The following PPP6R3 variants were observed in gnomAD, a reference collection of about 807,000 sequenced individuals.
PPP6R3 encodes the protein protein phosphatase 6 regulatory subunit 3, also known as serine/threonine-protein phosphatase 6 regulatory subunit 3.
PPP6R3 carries 38 observed loss-of-function variants against 110.7 expected under a neutral mutation model. That is an observed-to-expected ratio of 0.34 (90% CI 0.26 to 0.45). PPP6R3 has a LOEUF of 0.45. Among genes scored for constraint, PPP6R3 ranks in the 20% least tolerant of loss-of-function variants. The pLI, the probability that PPP6R3 is intolerant of heterozygous loss-of-function variation, is 1.00. For missense variants in PPP6R3, 870 were observed against 1,062.4 expected, an observed-to-expected ratio of 0.82 and a Z score of 2.52; for synonymous variants, 369 against 373.5, an observed-to-expected ratio of 0.99 and a Z score of 0.14.
At chr11:68,499,944 T>C in intron 1 of PPP6R3, among the ~76,000 whole-genome samples, 1 of 152,224 alleles carries the variant, frequency 6.6e-6, no homozygotes, top group Non-Finnish European at 1.5e-5. Context: ...CAGATGTATA[T>C]ATCGTGAATA....
At chr11:68,461,800 G>T (rs984544797) in intron 1 of PPP6R3, among the ~76,000 whole-genome samples, 1 of 152,092 alleles carries the variant, frequency 6.6e-6, no homozygotes, top group South Asian at 2.1e-4. Context: ...ACTTGTTGAC[G>T]GGGTGGTGTC....
intron 1 of PPP6R3, among the ~76,000 whole-genome samples, chr11:68,472,538 G>A (rs564895489): frequency 1.3e-5 from 2 of 151,190 alleles, no homozygotes; most frequent in African/African-American, 2.4e-5. Context: ...TACCAGCACC[G>A]TCCTACATCC....
intron 1 of PPP6R3, among the ~76,000 whole-genome samples, chr11:68,497,941 A>C (rs183615871): frequency 1.3e-5 from 2 of 152,218 alleles, no homozygotes; most frequent in Admixed American, 1.3e-4. Context: ...AGATGAGATC[A>C]TTGTTGTTTA....
At chr11:68,545,276 G>T (rs1347607169) in intron 4 of PPP6R3, among the ~76,000 whole-genome samples, 1 of 152,244 alleles carries the variant, frequency 6.6e-6, no homozygotes, top group Non-Finnish European at 1.5e-5. Flanking sequence ...GAAGTGGGTA[G>T]AAGATGAGAA....
intron 18 of PPP6R3, among the ~76,000 whole-genome samples, chr11:68,593,529 A>G (rs1406806973): frequency 6.6e-6 from 1 of 152,232 alleles, no homozygotes; most frequent in Non-Finnish European, 1.5e-5. Context: ...TAAACCCTAA[A>G]ATAGTCACTA....
intron 12 of PPP6R3, among the ~76,000 whole-genome samples, chr11:68,572,802 A>G (rs188214637): frequency 1.8e-4 from 28 of 152,062 alleles, no homozygotes; most frequent in Admixed American, 5.9e-4. Flanking sequence ...TGATTGCACC[A>G]CTGCACTCCA....
At chr11:68,551,231 CAAA>C (rs745757205) in intron 6 of PPP6R3, 45 bp downstream of exon 6, 15 of 1,375,230 alleles carry the variant, frequency 1.1e-5, no homozygotes, top group African/African-American at 1.5e-5. Flanking sequence ...AAAAAAAAAA[CAAA>C]AAACTGTTTA....
intron 18 of PPP6R3, among the ~76,000 whole-genome samples, chr11:68,594,511 AAATTT>A (rs1436748844): frequency 6.6e-6 from 1 of 152,164 alleles, no homozygotes; most frequent in Non-Finnish European, 1.5e-5. Context: ...AAAAAAGAAA[AAATTT>A]AAATATGTAG....
At chr11:68,493,404 G>T (rs2098995524) in intron 1 of PPP6R3, among the ~76,000 whole-genome samples, 1 of 151,686 alleles carries the variant, frequency 6.6e-6, no homozygotes, top group Non-Finnish European at 1.5e-5. Context: ...ATTGTCATGA[G>T]ATTATGTAAT....
At chr11:68,563,430 T>G (rs1186757722) in intron 8 of PPP6R3, among the ~76,000 whole-genome samples, 1 of 152,220 alleles carries the variant, frequency 6.6e-6, no homozygotes, top group Non-Finnish European at 1.5e-5. Context: ...ATGATGGCAT[T>G]TAAGGCCCCC....
At chr11:68,488,327 C>T (rs993212182) in intron 1 of PPP6R3, among the ~76,000 whole-genome samples, 42 of 151,998 alleles carry the variant, frequency 2.8e-4, no homozygotes, top group Admixed American at 1.9e-3. Flanking sequence ...GCCACCACAC[C>T]CAGCTAATTA....
At chr11:68,466,114 TGC>T (rs2098743426) in intron 1 of PPP6R3, among the ~76,000 whole-genome samples, 1 of 152,218 alleles carries the variant, frequency 6.6e-6, no homozygotes. Context: ...TTGAAATAGA[TGC>T]TACTTCAAGT....
intron 17 of PPP6R3, among the ~76,000 whole-genome samples, chr11:68,590,971 G>A (rs2099593486): frequency 6.6e-6 from 1 of 152,182 alleles, no homozygotes; most frequent in Non-Finnish European, 1.5e-5. Flanking sequence ...ACTTCAAAGA[G>A]AAGGCTGCAG....
chr11:68,479,829 C>T (rs980458931), intron 1 of PPP6R3, among the ~76,000 whole-genome samples: 3 of 151,942 alleles, frequency 2.0e-5, no homozygotes, highest in African/African-American at 7.3e-5. Flanking sequence ...GCCTCGGACA[C>T]CTGGACTCAT....
intron 6 of PPP6R3, among the ~76,000 whole-genome samples, chr11:68,551,663 T>C (rs1368639271): frequency 6.6e-6 from 1 of 152,128 alleles, no homozygotes; most frequent in African/African-American, 2.4e-5. Context: ...AATTTTTGTA[T>C]TGTTAGTAGA....
At chr11:68,577,373 G>A (rs1254514174) in intron 14 of PPP6R3, among the ~76,000 whole-genome samples, 2 of 152,108 alleles carry the variant, frequency 1.3e-5, no homozygotes, top group Admixed American at 6.5e-5. Flanking sequence ...AGGTTCCCAC[G>A]TTGATTCCTT....
chr11:68,509,841 C>T (rs2099099414), intron 1 of PPP6R3, among the ~76,000 whole-genome samples: 1 of 150,654 alleles, frequency 6.6e-6, no homozygotes, highest in African/African-American at 2.4e-5. Flanking sequence ...CCCTTGCCAC[C>T]TGGGTTCAAG....
intron 22 of PPP6R3, among the ~76,000 whole-genome samples, chr11:68,608,496 G>C (rs768967522): frequency 1.2e-4 from 18 of 152,212 alleles, no homozygotes; most frequent in Non-Finnish European, 2.1e-4. Flanking sequence ...GGGTAGTAGC[G>C]TGGGCTTCTT....
intron 1 of PPP6R3, among the ~76,000 whole-genome samples, chr11:68,509,848 CA>C (rs2099099452): frequency 6.9e-6 from 1 of 144,192 alleles, no homozygotes; most frequent in Admixed American, 7.4e-5. Context: ...CACCTGGGTT[CA>C]AGCGATTCTC....
Sources: allele counts gnomAD v4.1 joint callset (sites outside exome capture counted in the v4.1 genomes callset), GRCh38; gene constraint gnomAD v4.1.1; transcripts MANE v1.5; gene names NCBI Gene and HGNC (gene_info 2026-07-23, HGNC 2026-07-21).